The following HSF5 variants were observed in gnomAD, a reference collection of about 807,000 sequenced individuals.
The protein encoded by HSF5 is heat shock factor protein 5.
In HSF5, 5 loss-of-function variants were observed where a neutral mutation model predicts 50.8. The observed-to-expected ratio is 0.10, with a 90% CI of 0.05 to 0.21. The LOEUF is 0.21. Among genes scored for constraint, HSF5 ranks in the 10% least tolerant of loss-of-function variants. The pLI, the probability that HSF5 is intolerant of heterozygous loss-of-function variation, is 1.00. For missense variants in HSF5, 564 were observed against 762.6 expected, an observed-to-expected ratio of 0.74 and a Z score of 3.07; for synonymous variants, 307 against 307.4, an observed-to-expected ratio of 1.00 and a Z score of 0.02.
rs969045137 is a variant in HSF5 at position 58,463,156 on chromosome 17, T to C, written c.1168A>G (p.Met390Val). The change falls in exon 4 of 6, where the codon ATG becomes GTG. Residue 390 changes from methionine to valine, a missense_variant. Around this residue, in one of 5 missense-constraint regions of HSF5, gnomAD observed 441 missense variants for 533.6 expected, o/e 0.83. Coordinates refer to ENST00000323777, the MANE Select transcript of HSF5 (RefSeq NM_001080439.3). ...TTCTCAACAGGCTCCACCTTTACCA[T>C]CTCCAATTTAGGGGAGGAATGCAAC... is the stretch of plus-strand genomic sequence containing the variant. ...DELHSSPKLE[M>V]VKVEPVENQC... The C allele has an allele frequency of 3.1e-6, 5 of 1,614,088 alleles. No individual in the cohort carries two copies. Among genetic ancestry groups the C allele is most frequent in the Non-Finnish European group, 4.2e-6 (5 of 1,180,046 alleles).
chr17:58,458,917 C>G lies in HSF5; in HGVS notation c.1571G>C (p.Ser524Thr). The G allele has an allele frequency of 6.2e-7, 1 of 1,613,238 alleles. No homozygotes were observed. Among genetic ancestry groups the G allele is most frequent in the Non-Finnish European group, 8.5e-7 (1 of 1,179,748 alleles). ...QVDANIKCQT[S>T]SRENILPSEQ... is the part of the protein sequence containing the mutation. ...TGACGGCAAGATATTCTCACGTGAA[C>G]TGGTCTGGCATTTTATGTTGGCATC... Residue 524 changes from serine (S) to threonine (T), a missense_variant, in exon 5 of 6, where the codon AGT becomes ACT. Ser to Thr is a moderately conservative substitution (Grantham distance 58). This residue lies in a region of HSF5 where 441 missense variants were observed against 533.6 expected (regional missense o/e 0.83). Transcript: ENST00000323777.
intron 3 of HSF5, among the ~76,000 whole-genome samples, chr17:58,464,777 C>T (rs1451632338): frequency 3.3e-5 from 5 of 152,028 alleles, no homozygotes; most frequent in East Asian, 3.9e-4. Flanking sequence ...GGATTACAAG[C>T]GCCCACCACC....
Position 58,422,340 on chromosome 17 carries a change from T to G in HSF5, c.*20A>C, listed in dbSNP as rs899930064. ...CTCCAGCTACAGCTAGTGCACAATG[T>G]CACATTTGTCATCCATTCCTCACTC... On this transcript the variant is annotated 3_prime_UTR_variant, in exon 6 of 6. Transcript: ENST00000323777. 1 of 1,592,074 alleles carries G rather than the reference T, an allele frequency of 6.3e-7. No individual in the cohort carries two copies. Among genetic ancestry groups the G allele is most frequent in the African/African-American group, 1.3e-5 (1 of 74,686 alleles).
intron 2 of HSF5, 64 bp from the exon 3 acceptor site, chr17:58,467,043 C>T (rs1037772603): frequency 3.9e-6 from 4 of 1,031,912 alleles, no homozygotes; most frequent in Non-Finnish European, 6.0e-6. Context: ...ATTCAAGGAG[C>T]TCCCCTCTTT....
intron 5 of HSF5, among the ~76,000 whole-genome samples, chr17:58,434,019 T>G (rs746494207): frequency 6.6e-6 from 1 of 151,422 alleles, no homozygotes; most frequent in Non-Finnish European, 1.5e-5. Flanking sequence ...ATTCAATTGA[T>G]TCTCCTGCCT....
intron 5 of HSF5, among the ~76,000 whole-genome samples, chr17:58,433,556 A>G (rs1272352543): frequency 6.6e-6 from 1 of 152,210 alleles, no homozygotes; most frequent in African/African-American, 2.4e-5. Flanking sequence ...ATCAATATTT[A>G]GAAATTAGGA....
intron 5 of HSF5, among the ~76,000 whole-genome samples, chr17:58,435,871 C>G (rs1226064564): frequency 6.8e-6 from 1 of 147,096 alleles, no homozygotes; most frequent in Non-Finnish European, 1.5e-5. Context: ...TGCACCGCAG[C>G]CTGGGCGACA....
At chr17:58,475,257 T>C (rs1317071814) in intron 2 of HSF5, among the ~76,000 whole-genome samples, 4 of 152,236 alleles carry the variant, frequency 2.6e-5, no homozygotes, top group African/African-American at 9.6e-5. Context: ...GTGAGTACTA[T>C]TAAATAGAAC....
chr17:58,457,135 C>T (rs1827432225), intron 5 of HSF5, among the ~76,000 whole-genome samples: 1 of 151,882 alleles, frequency 6.6e-6, no homozygotes, highest in Non-Finnish European at 1.5e-5. Context: ...TGGAGTGTGC[C>T]TGTAATCCCA....
intron 5 of HSF5, among the ~76,000 whole-genome samples, chr17:58,437,899 T>C (rs1437371499): frequency 6.6e-6 from 1 of 152,228 alleles, no homozygotes; most frequent in Non-Finnish European, 1.5e-5. Flanking sequence ...TTTGGGAATA[T>C]ACACATTTCT....
intron 5 of HSF5, among the ~76,000 whole-genome samples, chr17:58,448,459 C>A (rs1419493352): frequency 6.6e-6 from 1 of 151,964 alleles, no homozygotes; most frequent in Non-Finnish European, 1.5e-5. Flanking sequence ...AGATCAAGAA[C>A]AAAGAAAGAA....
At chr17:58,425,995 G>A (rs920431415) in intron 5 of HSF5, among the ~76,000 whole-genome samples, 5 of 152,188 alleles carry the variant, frequency 3.3e-5, no homozygotes, top group African/African-American at 1.2e-4. Context: ...ACCTAACTAT[G>A]ATCATTTTCT....
At chr17:58,435,754 C>G (rs1194969446) in intron 5 of HSF5, among the ~76,000 whole-genome samples, 1 of 151,524 alleles carries the variant, frequency 6.6e-6, no homozygotes, top group Non-Finnish European at 1.5e-5. Flanking sequence ...AAAAAATTAG[C>G]CGGGCATGGT....
At position 58,488,343 on chromosome 17, in the gene HSF5, C is replaced by G. The variant is rs1346218453; in HGVS notation, c.-69G>C. On this transcript the variant is annotated 5_prime_UTR_variant, in exon 1 of 6. Coordinates refer to ENST00000323777, the MANE Select transcript of HSF5 (RefSeq NM_001080439.3). The surrounding 1 kb of genome is among the most constrained non-coding windows in gnomAD (Gnocchi z 4.1). ...CACACCGTTCTCGATCCCTCCCCGG[C>G]CTTCGCCTCGCCCTGCCCGCTCCTG... is the stretch of plus-strand genomic sequence containing the variant. 8.8e-6 allele frequency: 12 copies of G among 1,369,964 alleles called. No individual in the cohort carries two copies. The highest frequency in any genetic ancestry group is 1.0e-5 in the Non-Finnish European group (11 of 1,069,670). 84.9% of individuals were successfully genotyped at this position (1,369,964 alleles called of 1,614,324 possible).
At chr17:58,481,545 A>T (rs1044806481) in intron 1 of HSF5, among the ~76,000 whole-genome samples, 3 of 152,254 alleles carry the variant, frequency 2.0e-5, no homozygotes, top group Non-Finnish European at 4.4e-5. Context: ...TTACTAAGCT[A>T]ATCTGTAAAA....
chr17:58,477,756 G>A (rs1309140151), intron 2 of HSF5, among the ~76,000 whole-genome samples: 4 of 151,772 alleles, frequency 2.6e-5, no homozygotes, highest in Non-Finnish European at 5.9e-5. Context: ...CACCGTGCCC[G>A]GCCACTCCAT....
Position 58,483,281 on chromosome 17 carries a change from T to A in HSF5, c.551-3014A>T, listed in dbSNP as rs554459889. 5.9e-5 allele frequency among the ~76,000 whole-genome samples: 9 copies of A among 152,366 alleles called. No individual in the cohort carries two copies. The East Asian group carries it at 1.2e-3, about 20-fold the overall frequency. Reference sequence around the variant, plus strand: ...TTCTATCATGATAAACTTGGAGTGATGGCCAATTAACTATTTTAGATGCAG... The same window carrying A: ...TTCTATCATGATAAACTTGGAGTGAAGGCCAATTAACTATTTTAGATGCAG... On this transcript the variant is annotated intron_variant, in intron 1 of 5. Coordinates refer to ENST00000323777, the MANE Select transcript of HSF5 (RefSeq NM_001080439.3).
At position 58,458,858 on chromosome 17, in the gene HSF5, G is replaced by A. The variant is rs759602148; in HGVS notation, c.1630C>T (p.Pro544Ser). The A allele has an allele frequency of 2.7e-5, 44 of 1,614,076 alleles. No individual in the cohort carries two copies. The highest frequency in any genetic ancestry group is 4.5e-5 in the East Asian group (2 of 44,872). The stretch of plus-strand genomic sequence containing the variant: ...GTGTCTTCACTAGGCTTGCTAGCAG[G>A]CCCCATTTCTGAAATGAGGAATCCC... The part of the protein sequence containing the change: ...QMGFLISEMG[P>S]ASKPSEDTGL... Residue 544 changes from proline (P) to serine (S), a missense_variant, in exon 5 of 6, where the codon CCT becomes TCT. Around this residue, in one of 5 missense-constraint regions of HSF5, gnomAD observed 441 missense variants for 533.6 expected, o/e 0.83. Transcript: ENST00000323777.
chr17:58,431,651 G>C (rs1454074268), intron 5 of HSF5, among the ~76,000 whole-genome samples: 3 of 152,202 alleles, frequency 2.0e-5, no homozygotes, highest in Non-Finnish European at 4.4e-5. Context: ...ATGGTAATGA[G>C]ATATGGAATG....
Sources: gnomAD v4.1 joint callset for allele counts (sites outside exome capture counted in the v4.1 genomes callset) on GRCh38, gnomAD v4.1.1 for gene constraint, gnomAD v4.1.1 regional missense constraint, Gnocchi (gnomAD v3.1) non-coding constraint, MANE v1.5 for transcripts, NCBI Gene and HGNC (gene_info 2026-07-23, HGNC 2026-07-21) for gene names.